The following DNAH14 variants were observed in gnomAD, a reference collection of about 807,000 sequenced individuals.
The protein encoded by DNAH14 is axonemal beta dynein heavy chain 14.
DNAH14 carries 478 observed loss-of-function variants against 520.9 expected under a neutral mutation model. That is an observed-to-expected ratio of 0.92 (90% CI 0.85 to 0.99). DNAH14 has a LOEUF of 0.99. DNAH14 is among the 50% of genes least tolerant of loss of function. The pLI is 0.00. For missense variants in DNAH14, 4,831 were observed against 5,234.5 expected (o/e 0.92, Z 2.38); for synonymous variants, 1,581 against 1,757.2 (o/e 0.90, Z 2.51).
At chr1:225,061,028 T>G (rs1441428644) in intron 17 of DNAH14, among the ~76,000 whole-genome samples, 1 of 151,578 alleles carries the variant, frequency 6.6e-6, no homozygotes, top group Non-Finnish European at 1.5e-5. Flanking sequence ...GAACCACTAC[T>G]CTCTTCAAAG....
intron 82 of DNAH14, among the ~76,000 whole-genome samples, chr1:225,389,113 A>C (rs2095874395): frequency 6.6e-6 from 1 of 152,236 alleles, no homozygotes; most frequent in Non-Finnish European, 1.5e-5. Context: ...GAGAAGCGTT[A>C]GAGTAGCAAC....
chr1:225,029,920 A>G (rs1194478649), intron 11 of DNAH14, among the ~76,000 whole-genome samples: 1 of 152,012 alleles, frequency 6.6e-6, no homozygotes, highest in African/African-American at 2.4e-5. Flanking sequence ...TTATAAAATC[A>G]ACTAATCCTA....
At chr1:225,109,629 A>G (rs941432994) in intron 23 of DNAH14, among the ~76,000 whole-genome samples, 2 of 152,118 alleles carry the variant, frequency 1.3e-5, no homozygotes, top group African/African-American at 4.8e-5. Context: ...TTTCCCCTAT[A>G]TAAGATCATA....
intron 11 of DNAH14, among the ~76,000 whole-genome samples, chr1:225,030,105 A>G (rs1026534579): frequency 1.3e-5 from 2 of 152,018 alleles, no homozygotes; most frequent in Admixed American, 6.6e-5. Flanking sequence ...AGTTTGGGAA[A>G]GGTCACAAAT....
At chr1:224,960,407 T>C in intron 4 of DNAH14, 105 bp downstream of exon 4, 2 of 1,215,576 alleles carry the variant, frequency 1.6e-6, no homozygotes, top group Non-Finnish European at 2.2e-6. Context: ...AAAAACAGTC[T>C]TACTGAATTT....
At chr1:225,260,627 G>A (rs1051193673) in intron 46 of DNAH14, among the ~76,000 whole-genome samples, 1 of 151,750 alleles carries the variant, frequency 6.6e-6, no homozygotes, top group African/African-American at 2.4e-5. Flanking sequence ...CCCCCCTCAA[G>A]ATTGCTTTGG....
intron 8 of DNAH14, among the ~76,000 whole-genome samples, chr1:224,993,577 C>CT (rs1453211601): frequency 1.3e-5 from 2 of 150,928 alleles, no homozygotes; most frequent in South Asian, 2.1e-4. Flanking sequence ...GTTTTCTCTC[C>CT]TTTTTTCTTA....
intron 20 of DNAH14, 132 bp downstream of exon 20, chr1:225,082,871 C>A: frequency 2.9e-6 from 2 of 691,308 alleles, no homozygotes; most frequent in Admixed American, 3.4e-5. Flanking sequence ...AATAATAGTA[C>A]ATTTGTAGAA....
chr1:224,964,369 G>C, intron 4 of DNAH14, 110 bp from the exon 5 acceptor site: 4 of 1,220,718 alleles, frequency 3.3e-6, no homozygotes, highest in Non-Finnish European at 4.3e-6. Context: ...TGTATACTTT[G>C]TTACCATTTA....
At chr1:225,096,877 C>A (rs1207704619) in intron 21 of DNAH14, among the ~76,000 whole-genome samples, 2 of 152,074 alleles carry the variant, frequency 1.3e-5, no homozygotes, top group African/African-American at 4.8e-5. Context: ...TTACTCAAAT[C>A]TTTTACAAAA....
At chr1:225,141,150 C>A in intron 28 of DNAH14, 129 bp downstream of exon 28, 1 of 849,230 alleles carries the variant, frequency 1.2e-6, no homozygotes, top group Non-Finnish European at 1.7e-6. Context: ...AAATTCTAAG[C>A]AAACTGTACC....
intron 11 of DNAH14, among the ~76,000 whole-genome samples, chr1:225,028,579 G>C (rs1041373988): frequency 6.6e-6 from 1 of 151,148 alleles, no homozygotes; most frequent in African/African-American, 2.4e-5. Flanking sequence ...ACCAGCTTTT[G>C]GTTTTATTGA....
At chr1:225,168,062 C>G in intron 36 of DNAH14, 34 bp downstream of exon 36, 1 of 1,197,098 alleles carries the variant, frequency 8.4e-7, no homozygotes, top group Non-Finnish European at 1.2e-6. Context: ...CAATCCTTTG[C>G]CTGTATTTCA....
At chr1:225,229,768 G>A (rs2090920022) in intron 41 of DNAH14, among the ~76,000 whole-genome samples, 2 of 151,984 alleles carry the variant, frequency 1.3e-5, no homozygotes, top group Admixed American at 1.3e-4. Context: ...GGCCTGTCAG[G>A]GGTGGGGGTC....
intron 17 of DNAH14, among the ~76,000 whole-genome samples, chr1:225,053,289 A>T (rs997069331): frequency 1.3e-5 from 2 of 152,160 alleles, no homozygotes; most frequent in Non-Finnish European, 2.9e-5. Context: ...TCAAAAGAGA[A>T]CAAGGCATAC....
At chr1:224,970,183 G>C (rs1008625760) in intron 7 of DNAH14, among the ~76,000 whole-genome samples, 12 of 152,090 alleles carry the variant, frequency 7.9e-5, no homozygotes, top group Admixed American at 7.2e-4. Flanking sequence ...GCCGCTTCGG[G>C]GGGCGGCTGT....
rs41304131 is a variant in DNAH14, at chr1:225,398,572, G to T, written c.13544G>T (p.Gly4515Val). 45,293 of 1,551,628 alleles carry T rather than the reference G, an allele frequency of 0.029. 793 individuals are homozygous for T. Among genetic ancestry groups the T allele is most frequent in the Middle Eastern group, 0.034 (204 of 5,992 alleles). Residue 4515 changes from glycine (G) to valine (V), a missense_variant, in exon 85 of 86, where the codon GGG becomes GTG. Transcript: ENST00000682510. ...TACATTTTTGGTTTATTCATCGAGG[G>T]GGCAAGATGGAATCGTGAACAGAAA... ...GVYIFGLFIEGARWNREQKIL... is the reference protein window; with the variant it reads ...GVYIFGLFIEVARWNREQKIL...
At position 225,335,545 on chromosome 1, in the gene DNAH14, GTATATA is replaced by G. The variant is rs1231510532; in HGVS notation, c.10081-1720_10081-1715del. Reference sequence around the variant, plus strand: ...CATATATACATATGTACATATATACGTATATACATATGTACATCTATGTATATACGC... The same window carrying G: ...CATATATACATATGTACATATATACGCATATGTACATCTATGTATATACGC... On this transcript the variant is annotated intron_variant, in intron 66 of 85. Coordinates refer to ENST00000682510, the MANE Select transcript of DNAH14 (RefSeq NM_001367479.1). Among the ~76,000 whole-genome samples the G allele has an allele frequency of 3.0e-4, 21 of 70,032 alleles. 2 individuals are homozygous for G. Among genetic ancestry groups the G allele is most frequent in the Non-Finnish European group, 5.6e-4 (21 of 37,592 alleles). 45.9% of individuals were successfully genotyped at this position (70,032 alleles called of 152,430 possible). A position where few individuals can be genotyped will look rare whatever the true frequency, so the allele number is the denominator to read the frequency against.
chr1:225,291,308 G>T (rs1558284636), intron 55 of DNAH14, among the ~76,000 whole-genome samples: 1 of 152,148 alleles, frequency 6.6e-6, no homozygotes, highest in Non-Finnish European at 1.5e-5. Context: ...ATTGTGAAAA[G>T]AGCTGTTATA....
Sources: allele counts gnomAD v4.1 joint callset (sites outside exome capture counted in the v4.1 genomes callset), GRCh38; gene constraint gnomAD v4.1.1; transcripts MANE v1.5; gene names NCBI Gene and HGNC (gene_info 2026-07-23, HGNC 2026-07-21).